The following DGKI variants were observed in gnomAD, a reference collection of about 807,000 sequenced individuals.
DGKI encodes diacylglycerol kinase iota.
DGKI carries 55 observed loss-of-function variants against 147.5 expected under a neutral mutation model. The observed-to-expected ratio is 0.37, with a 90% confidence interval of 0.30 to 0.47. The LOEUF (loss-of-function observed/expected upper bound fraction) is 0.47. Among genes scored for constraint, DGKI ranks in the 20% least tolerant of loss-of-function variants. The pLI is 1.00. For missense variants in DGKI, 1,007 were observed against 1,323.8 expected, an observed-to-expected ratio of 0.76 and a Z score of 3.71; for synonymous variants, 469 against 477.1, an observed-to-expected ratio of 0.98 and a Z score of 0.22.
intron 1 of DGKI, among the ~76,000 whole-genome samples, chr7:137,754,183 T>C (rs1029553419): frequency 1.3e-5 from 2 of 152,164 alleles, no homozygotes; most frequent in Admixed American, 6.5e-5. Flanking sequence ...CAGTGAGGAA[T>C]GGGGCACCCT....
intron 8 of DGKI, among the ~76,000 whole-genome samples, chr7:137,611,756 G>C (rs1820371194): frequency 6.6e-6 from 1 of 152,118 alleles, no homozygotes; most frequent in Non-Finnish European, 1.5e-5. Context: ...TCTCAGCTGT[G>C]TGTCCCCAAC....
chr7:137,478,021 C>T (rs1317689780), intron 23 of DGKI, among the ~76,000 whole-genome samples: 1 of 152,156 alleles, frequency 6.6e-6, no homozygotes, highest in Non-Finnish European at 1.5e-5. Context: ...ATGTGCGTAA[C>T]TTTGTATAAA....
At chr7:137,472,345 T>TAATCATATGTATATACATTAAA (rs1563040195) in intron 23 of DGKI, among the ~76,000 whole-genome samples, 2 of 54,176 alleles carry the variant, frequency 3.7e-5, no homozygotes, top group African/African-American at 3.1e-4. Context: ...ATACATATAA[T>TAATCATATGTATATACATTAAA]TATTATATGT....
intron 1 of DGKI, among the ~76,000 whole-genome samples, chr7:137,697,059 G>A (rs1253736001): frequency 6.6e-6 from 1 of 152,160 alleles, no homozygotes; most frequent in Non-Finnish European, 1.5e-5. Flanking sequence ...AGCCCTCAGA[G>A]AGAACCAACC....
intron 11 of DGKI, 131 bp from the exon 12 acceptor site, chr7:137,598,038 A>G (rs1819858861): frequency 1.4e-6 from 1 of 729,754 alleles, no homozygotes; most frequent in Non-Finnish European, 2.3e-6. Context: ...GAGGATGACA[A>G]TGCTATCATA....
Position 137,737,410 on chromosome 7 carries a change from T to C in DGKI, c.402-47408A>G, listed in dbSNP as rs577215805. 2.0e-5 allele frequency among the ~76,000 whole-genome samples: 3 copies of C among 151,960 alleles called. No individual in the cohort carries two copies. The South Asian group carries it at 6.2e-4, about 31-fold the overall frequency. On this transcript the variant is annotated intron_variant, in intron 1 of 32. Coordinates refer to ENST00000614521, the MANE Select transcript of DGKI (RefSeq NM_001321708.2). ...ATAATATAAAGGCAAATCTGTTCCA[T>C]GCATTTAAGGAATTAATAAAAGTAA...
chr7:137,517,252 A>G (rs201437458), intron 21 of DGKI, among the ~76,000 whole-genome samples: 1 of 128,996 alleles, frequency 7.8e-6, no homozygotes, highest in Non-Finnish European at 1.5e-5. Flanking sequence ...AAAGAAAAGA[A>G]AAAGAAAGAA....
At chr7:137,836,710 A>G (rs796604887) in intron 1 of DGKI, among the ~76,000 whole-genome samples, 14 of 152,320 alleles carry the variant, frequency 9.2e-5, no homozygotes, top group African/African-American at 3.4e-4. Flanking sequence ...TGTGCAATGG[A>G]AAATTCATAT....
rs534981094 is a variant in DGKI, at chr7:137,468,471, T to C, written c.2443+1079A>G. ...AATTCAGGAATGACAAATGATTATG[T>C]TTCTCATTGCTATGGAATAAAGAAG... On this transcript the variant is annotated intron_variant, in intron 24 of 32. Coordinates refer to ENST00000614521, the MANE Select transcript of DGKI (RefSeq NM_001321708.2). Among the ~76,000 whole-genome samples, 4 of 152,316 alleles carry C rather than the reference T, an allele frequency of 2.6e-5. No homozygotes were observed. The South Asian group carries it at 8.3e-4, about 32-fold the overall frequency.
intron 1 of DGKI, among the ~76,000 whole-genome samples, chr7:137,708,251 T>C (rs1161687348): frequency 1.3e-5 from 2 of 152,242 alleles, no homozygotes; most frequent in Non-Finnish European, 2.9e-5. Flanking sequence ...TAATATTCTC[T>C]TTGAGCCTCT....
chr7:137,469,617 G>A lies in DGKI; in HGVS notation c.2376C>T (p.Asp792=), dbSNP rs768453176. ...GAGCCCTGGGGAAGGAGGTTTCATG[G>A]TCCTGGAAAGAGACACACACACTCT... ...SSGSQRVHYQ[D]HETSFPRALS... is the part of the protein sequence containing the mutation. The change falls in exon 24 of 33, where the codon GAC becomes GAT. Residue 792 remains aspartate, a splice_region_variant and synonymous_variant. Coordinates refer to ENST00000614521, the MANE Select transcript of DGKI (RefSeq NM_001321708.2). 9 of 1,613,812 alleles carry A rather than the reference G, an allele frequency of 5.6e-6. No homozygotes were observed. Among genetic ancestry groups the A allele is most frequent in the African/African-American group, 4.0e-5 (3 of 74,990 alleles).
intron 3 of DGKI, among the ~76,000 whole-genome samples, chr7:137,669,284 TAACA>T (rs369319314): frequency 2.8e-4 from 43 of 152,298 alleles, no homozygotes; most frequent in African/African-American, 9.9e-4. Flanking sequence ...AACAAGCTCC[TAACA>T]AACAGAGACA....
intron 5 of DGKI, 44 bp from the exon 6 acceptor site, chr7:137,645,581 T>A (rs769059346): frequency 8.4e-6 from 13 of 1,542,282 alleles, no homozygotes; most frequent in Non-Finnish European, 1.1e-5. Context: ...AAAATTTATT[T>A]CTATAGACAG....
At chr7:137,490,400 T>G (rs1224898596) in intron 21 of DGKI, among the ~76,000 whole-genome samples, 22 of 152,280 alleles carry the variant, frequency 1.4e-4, no homozygotes, top group Admixed American at 1.4e-3. Flanking sequence ...AACATCAATT[T>G]TTATTCTCCC....
In DGKI at chr7:137,463,530, C is replaced by G. The variant is rs141679269; in HGVS notation, c.2694G>C (p.Glu898Asp). ...GGCTGAGATCTTTCAGATCTGAGTC[C>G]TCATAATAGGGAGCTATCATCCCCA... ...SGLGMIAPYY[E>D]DSDLKDLSHS... is the part of the protein sequence containing the mutation. Residue 898 changes from glutamate to aspartate, a missense_variant, in exon 27 of 33, where the codon GAG (glutamate) becomes GAC (aspartate). Glu to Asp is a conservative substitution (Grantham distance 45). Around this residue, in one of 5 missense-constraint regions of DGKI, gnomAD observed 385 missense variants for 445.2 expected, o/e 0.86. Coordinates refer to ENST00000614521, the MANE Select transcript of DGKI (RefSeq NM_001321708.2). 3.3e-4 allele frequency: 533 copies of G among 1,614,056 alleles called. No homozygotes were observed. The highest frequency in any genetic ancestry group is 4.3e-4 in the Non-Finnish European group (502 of 1,180,026).
At chr7:137,651,909 T>G (rs548905238) in intron 5 of DGKI, among the ~76,000 whole-genome samples, 1 of 152,170 alleles carries the variant, frequency 6.6e-6, no homozygotes, top group Non-Finnish European at 1.5e-5. Context: ...CCTAATACAT[T>G]TAGCATATAG....
intron 3 of DGKI, among the ~76,000 whole-genome samples, chr7:137,662,535 G>A (rs940682793): frequency 0.026 from 4 of 156 alleles, no homozygotes; most frequent in Non-Finnish European, 0.049. Context: ...GAGCCACCGC[G>A]CCCGGCCCCA....
chr7:137,563,962 C>A (rs563565687), intron 19 of DGKI, among the ~76,000 whole-genome samples: 22 of 151,982 alleles, frequency 1.4e-4, no homozygotes, highest in Non-Finnish European at 2.6e-4. Flanking sequence ...GCCCAAAGAT[C>A]TAGAACAAGG....
At chr7:137,507,448 T>C (rs961031870) in intron 21 of DGKI, among the ~76,000 whole-genome samples, 2 of 152,180 alleles carry the variant, frequency 1.3e-5, no homozygotes, top group African/African-American at 4.8e-5. Flanking sequence ...ATCATGATAG[T>C]ATACTACCTA....
Sources: gnomAD v4.1 joint callset for allele counts (sites outside exome capture counted in the v4.1 genomes callset) on GRCh38, gnomAD v4.1.1 for gene constraint, gnomAD v4.1.1 regional missense constraint, MANE v1.5 for transcripts, NCBI Gene and HGNC (gene_info 2026-07-23, HGNC 2026-07-21) for gene names.